CNTNAP2: variants seen among roughly 807,000 people sequenced by gnomAD.
The protein encoded by CNTNAP2 is contactin associated protein 2, also known as contactin-associated protein-like 2.
A neutral mutation model predicts 155.2 loss-of-function variants in CNTNAP2; 98 were observed. The observed-to-expected ratio is 0.63, with a 90% confidence interval of 0.54 to 0.75. The LOEUF (loss-of-function observed/expected upper bound fraction) is 0.75. CNTNAP2 is among the 30% of genes least tolerant of loss of function. The pLI is 0.00. For synonymous variants in CNTNAP2, 651 were observed against 631.2 expected (o/e 1.03, Z -0.47); for missense variants, 1,727 against 1,688.1 (o/e 1.02, Z -0.40).
chr7:147,850,421 A>C (rs1398354797), intron 13 of CNTNAP2, among the ~76,000 whole-genome samples: 1 of 152,216 alleles, frequency 6.6e-6, no homozygotes, highest in Non-Finnish European at 1.5e-5. Flanking sequence ...AACTGCTTTA[A>C]AGTTCATATG....
chr7:146,124,666 A>T (rs1180986785), intron 1 of CNTNAP2, among the ~76,000 whole-genome samples: 2 of 152,244 alleles, frequency 1.3e-5, no homozygotes, highest in African/African-American at 4.8e-5. Flanking sequence ...AAATAAAAAT[A>T]TGTCTGGACT....
intron 1 of CNTNAP2, among the ~76,000 whole-genome samples, chr7:146,386,776 C>A (rs1458870344): frequency 6.6e-6 from 1 of 152,132 alleles, no homozygotes; most frequent in African/African-American, 2.4e-5. Context: ...ATCATTAGTT[C>A]TTTTCCAAAA....
chr7:147,153,339 A>G (rs1801862659), intron 8 of CNTNAP2, among the ~76,000 whole-genome samples: 1 of 152,168 alleles, frequency 6.6e-6, no homozygotes, highest in Non-Finnish European at 1.5e-5. Flanking sequence ...AGTATATAGA[A>G]ATGATATAGA....
intron 13 of CNTNAP2, among the ~76,000 whole-genome samples, chr7:147,754,725 A>G (rs547563745): frequency 2.0e-5 from 3 of 152,306 alleles, no homozygotes; most frequent in Admixed American, 2.0e-4. Context: ...ATATTGAAGA[A>G]TTTGAGTAAA....
At chr7:148,000,045 T>C (rs1019798659) in intron 15 of CNTNAP2, among the ~76,000 whole-genome samples, 1 of 152,156 alleles carries the variant, frequency 6.6e-6, no homozygotes. Flanking sequence ...AATCAAAGAA[T>C]GTGGAGGCGC....
intron 15 of CNTNAP2, among the ~76,000 whole-genome samples, chr7:147,993,089 A>G (rs1282450310): frequency 1.3e-5 from 2 of 152,238 alleles, no homozygotes; most frequent in East Asian, 3.9e-4. Flanking sequence ...TAATGTAACC[A>G]GTTCACGACG....
chr7:146,415,450 T>G (rs1191724007), intron 1 of CNTNAP2, among the ~76,000 whole-genome samples: 1 of 152,198 alleles, frequency 6.6e-6, no homozygotes, highest in Admixed American at 6.5e-5. Flanking sequence ...TCTTTATGTG[T>G]ATTTACAAAA....
chr7:146,826,835 T>C (rs533617201), intron 2 of CNTNAP2, among the ~76,000 whole-genome samples: 1 of 136,316 alleles, frequency 7.3e-6, no homozygotes, highest in South Asian at 2.1e-4. Flanking sequence ...AATGAATATA[T>C]GTATATATAT....
chr7:147,585,070 T>C (rs1800591318), intron 12 of CNTNAP2, among the ~76,000 whole-genome samples: 3 of 152,284 alleles, frequency 2.0e-5, no homozygotes, highest in South Asian at 4.1e-4. Context: ...CTGTCTGCAC[T>C]TTCCTATTTG....
At chr7:147,793,477 G>A (rs943463027) in intron 13 of CNTNAP2, among the ~76,000 whole-genome samples, 2 of 152,088 alleles carry the variant, frequency 1.3e-5, no homozygotes, top group Non-Finnish European at 2.9e-5. Flanking sequence ...CACTCTGGCT[G>A]AAAATCAGTT....
At chr7:146,302,374 A>G (rs1343688760) in intron 1 of CNTNAP2, among the ~76,000 whole-genome samples, 3 of 152,138 alleles carry the variant, frequency 2.0e-5, no homozygotes, top group Non-Finnish European at 1.5e-5. Context: ...AAAATGGTTT[A>G]TATATGTGAT....
intron 8 of CNTNAP2, among the ~76,000 whole-genome samples, chr7:147,175,670 T>C (rs1003115966): frequency 6.6e-5 from 10 of 152,144 alleles, no homozygotes; most frequent in African/African-American, 1.2e-4. Flanking sequence ...GATGAGTTCA[T>C]GAGGGAGTAT....
At chr7:146,297,803 A>C (rs1026695866) in intron 1 of CNTNAP2, among the ~76,000 whole-genome samples, 1 of 152,202 alleles carries the variant, frequency 6.6e-6, no homozygotes, top group African/African-American at 2.4e-5. Flanking sequence ...AAAGATAATG[A>C]AAGCTCTATC....
intron 15 of CNTNAP2, 47 bp from the exon 16 acceptor site, chr7:148,118,071 C>T: frequency 6.3e-7 from 1 of 1,591,568 alleles, no homozygotes; most frequent in Middle Eastern, 1.8e-4. Flanking sequence ...CATGACTAGG[C>T]TGATCAGGGT....
intron 1 of CNTNAP2, among the ~76,000 whole-genome samples, chr7:146,679,182 C>G (rs543379512): frequency 1.3e-5 from 2 of 151,956 alleles, no homozygotes; most frequent in South Asian, 4.2e-4. Context: ...TCTGATAGGC[C>G]CTAGTGTGTA....
At chr7:147,279,831 C>T (rs1370425180) in intron 8 of CNTNAP2, among the ~76,000 whole-genome samples, 1 of 151,802 alleles carries the variant, frequency 6.6e-6, no homozygotes, top group East Asian at 1.9e-4. Context: ...GTAACTTCAT[C>T]GATCACAGTA....
chr7:146,907,745 A>G (rs1329155898), intron 3 of CNTNAP2, among the ~76,000 whole-genome samples: 3 of 150,986 alleles, frequency 2.0e-5, no homozygotes, highest in Non-Finnish European at 4.4e-5. Flanking sequence ...GCATCAACTA[A>G]TGAGCAAAAT....
intron 1 of CNTNAP2, among the ~76,000 whole-genome samples, chr7:146,339,677 T>C (rs1456144758): frequency 6.6e-6 from 1 of 152,164 alleles, no homozygotes; most frequent in Non-Finnish European, 1.5e-5. Flanking sequence ...TAGGTCTATA[T>C]GGAAATTATG....
intron 2 of CNTNAP2, among the ~76,000 whole-genome samples, chr7:146,784,422 A>G (rs570750664): frequency 6.6e-6 from 1 of 152,342 alleles, no homozygotes; most frequent in East Asian, 1.9e-4. Flanking sequence ...TTTAAACACA[A>G]TACTGAAAAC....
Sources: gnomAD v4.1 joint callset for allele counts (sites outside exome capture counted in the v4.1 genomes callset) on GRCh38, gnomAD v4.1.1 for gene constraint, MANE v1.5 for transcripts, NCBI Gene and HGNC (gene_info 2026-07-23, HGNC 2026-07-21) for gene names.